WDR70: variants seen among roughly 807,000 people sequenced by gnomAD.
WDR70 encodes WD repeat domain 70.
In WDR70, 53 loss-of-function variants were observed where a neutral mutation model predicts 88.6. The ratio of observed to expected loss-of-function variants is 0.60; its 90% CI spans 0.48 to 0.75. The LOEUF (loss-of-function observed/expected upper bound fraction) is 0.75, where lower values mean the gene tolerates loss of function less well. WDR70 is among the 30% of genes least tolerant of loss of function. The pLI, the probability that WDR70 is intolerant of heterozygous loss-of-function variation, is 0.00. For missense variants in WDR70, 610 were observed against 823.2 expected, an observed-to-expected ratio of 0.74 and a Z score of 3.17; for synonymous variants, 280 against 270.0, an observed-to-expected ratio of 1.04 and a Z score of -0.36.
At position 37,379,570 on chromosome 5, in the gene WDR70, A is replaced by T. The variant is rs565635169; in HGVS notation, c.91+16A>T. On this transcript the variant is annotated intron_variant, in intron 2 of 17. Transcript: ENST00000265107. ...ACGGGGTTCGGTGAGTGACTGCCCC[A>T]GGCAGAGACCCTCTTCCTTGTGCAG... 2.5e-6 allele frequency: 4 copies of T among 1,613,622 alleles called. No homozygotes were observed. In the East Asian group the frequency reaches 8.9e-5, roughly 36 times the overall value.
At chr5:37,545,405 T>C (rs1394900721) in intron 9 of WDR70, among the ~76,000 whole-genome samples, 5 of 152,244 alleles carry the variant, frequency 3.3e-5, no homozygotes, top group African/African-American at 9.6e-5. Context: ...ATGTCTGATA[T>C]AGCTTGTAAC....
chr5:37,479,761 G>T, intron 7 of WDR70, 73 bp from the exon 8 acceptor site: 2 of 1,461,566 alleles, frequency 1.4e-6, no homozygotes, highest in Non-Finnish European at 9.2e-7. Context: ...TTTTTTTCTG[G>T]CAATACTTAA....
intron 9 of WDR70, among the ~76,000 whole-genome samples, chr5:37,555,928 A>C (rs1561899989): frequency 6.6e-6 from 1 of 152,162 alleles, no homozygotes; most frequent in Non-Finnish European, 1.5e-5. Flanking sequence ...TATGTTGGCC[A>C]GGCTGGTCTC....
chr5:37,383,019 A>T (rs1251358116), intron 3 of WDR70, among the ~76,000 whole-genome samples: 3 of 151,858 alleles, frequency 2.0e-5, no homozygotes, highest in Non-Finnish European at 4.4e-5. Context: ...ATCTCAAAAT[A>T]AAAAAAATAA....
rs1385873523 is a variant in WDR70, at chr5:37,599,614, G to T, written c.918-5450G>T. Among the ~76,000 whole-genome samples the T allele has an allele frequency of 3.3e-5, 5 of 152,248 alleles. No homozygotes were observed. In the East Asian group the frequency reaches 9.7e-4, roughly 29 times the overall value. On this transcript the variant is annotated intron_variant, in intron 9 of 17. Transcript: ENST00000265107. ...TATGTAAAAAGGTGAATTTGGGGCC[G>T]GGCGTGGTGGCTCACGCCTATAATC...
At chr5:37,704,049 A>G (rs1747247209) in intron 13 of WDR70, among the ~76,000 whole-genome samples, 1 of 152,210 alleles carries the variant, frequency 6.6e-6, no homozygotes, top group South Asian at 2.1e-4. Flanking sequence ...ATTACTATGA[A>G]GTCTTAATTT....
At chr5:37,649,887 G>A (rs1231694351) in intron 10 of WDR70, among the ~76,000 whole-genome samples, 57 of 143,182 alleles carry the variant, frequency 4.0e-4, no homozygotes, top group African/African-American at 7.5e-4. Context: ...ACAGGCGCCC[G>A]CCACCACGCC....
intron 15 of WDR70, chr5:37,723,377 T>C (rs537753927): frequency 5.5e-6 from 1 of 181,872 alleles, no homozygotes; most frequent in South Asian, 1.3e-4. Flanking sequence ...TCTCTGAAAT[T>C]CTATGACCAT....
At chr5:37,731,736 C>T (rs1748150748) in intron 17 of WDR70, among the ~76,000 whole-genome samples, 1 of 152,112 alleles carries the variant, frequency 6.6e-6, no homozygotes, top group Non-Finnish European at 1.5e-5. Context: ...TATGTTTACA[C>T]ACAAATCACT....
rs185393401 is a variant in WDR70, at chr5:37,593,484, C to T, written c.918-11580C>T. Among the ~76,000 whole-genome samples the T allele has an allele frequency of 5.3e-3, 801 of 152,246 alleles. 9 individuals carry two copies. Among genetic ancestry groups the T allele is most frequent in the African/African-American group, 0.018 (763 of 41,548 alleles). On this transcript the variant is annotated intron_variant, in intron 9 of 17. Coordinates refer to ENST00000265107, the MANE Select transcript of WDR70 (RefSeq NM_018034.4). ...CCCCTGCAAAGGACATGAACTCATCCTTTTTTATGGCTGCATAGTATTCCA... is the reference window on the plus strand; with the variant it reads ...CCCCTGCAAAGGACATGAACTCATCTTTTTTTATGGCTGCATAGTATTCCA...
chr5:37,444,458 C>T (rs1204725104), intron 7 of WDR70, among the ~76,000 whole-genome samples: 1 of 151,044 alleles, frequency 6.6e-6, no homozygotes. Flanking sequence ...CCCACCTCAG[C>T]CTCCCAAATA....
At chr5:37,752,136 AGTTC>A (rs1442777249) in intron 17 of WDR70, among the ~76,000 whole-genome samples, 1 of 152,178 alleles carries the variant, frequency 6.6e-6, no homozygotes, top group African/African-American at 2.4e-5. Flanking sequence ...TGGTGACTGT[AGTTC>A]GTTCTTCCAT....
In WDR70 at chr5:37,752,701, G is replaced by T; in HGVS notation, c.*128G>T. The T allele has an allele frequency of 1.4e-6, 1 of 697,228 alleles. No homozygotes were observed. The highest frequency in any genetic ancestry group is 2.0e-5 in the South Asian group (1 of 50,668). 43.2% of individuals were successfully genotyped at this position (697,228 alleles called of 1,614,324 possible). ...GTTTTGTCCTTTGCATTATTGAACT[G>T]GTCAAAAGTTTGGTGGCTAGGCTTC... On this transcript the variant is annotated 3_prime_UTR_variant, in exon 18 of 18. Transcript: ENST00000265107.
chr5:37,552,348 C>T lies in WDR70; in HGVS notation c.917+35758C>T, dbSNP rs550861408. ...CTACTCCTTGTCTAAGCTTAGGCAA[C>T]GTATTTGTCCTTTCTGAACCAGTGT... On this transcript the variant is annotated intron_variant, in intron 9 of 17. Transcript: ENST00000265107. 7.9e-5 allele frequency among the ~76,000 whole-genome samples: 12 copies of T among 152,248 alleles called. No homozygotes were observed. In the East Asian group the frequency reaches 1.2e-3, roughly 15 times the overall value.
At chr5:37,566,777 G>A (rs548889231) in intron 9 of WDR70, among the ~76,000 whole-genome samples, 1 of 152,162 alleles carries the variant, frequency 6.6e-6, no homozygotes, top group African/African-American at 2.4e-5. Flanking sequence ...TTTAATCCAA[G>A]GGTTGAGAGT....
chr5:37,580,480 C>A (rs1380986799), intron 9 of WDR70, among the ~76,000 whole-genome samples: 8 of 152,198 alleles, frequency 5.3e-5, no homozygotes, highest in Non-Finnish European at 1.0e-4. Flanking sequence ...TGCAATTAAA[C>A]CCATTACTGT....
rs551678732 is a variant in WDR70 at position 37,570,319 on chromosome 5, G to C, written c.918-34745G>C. Among the ~76,000 whole-genome samples, 198 of 152,222 alleles carry C rather than the reference G, an allele frequency of 1.3e-3. 7 individuals carry two copies. In the South Asian group the frequency reaches 0.041, roughly 31 times the overall value. On this transcript the variant is annotated intron_variant, in intron 9 of 17. Coordinates refer to ENST00000265107, the MANE Select transcript of WDR70 (RefSeq NM_018034.4). Reference sequence around the variant, plus strand: ...GAGGTGGAGGGGTATCACAGCAGGAGGGGGCTTTAGGAGGAAGACAATGTA... The same window carrying C: ...GAGGTGGAGGGGTATCACAGCAGGACGGGGCTTTAGGAGGAAGACAATGTA...
At chr5:37,471,968 T>G in intron 7 of WDR70, among the ~76,000 whole-genome samples, 1 of 151,972 alleles carries the variant, frequency 6.6e-6, no homozygotes, top group Admixed American at 6.5e-5. Context: ...TTTCTTTTCT[T>G]GCTCCTAATG....
At chr5:37,416,605 A>C (rs1481512348) in intron 5 of WDR70, among the ~76,000 whole-genome samples, 1 of 143,240 alleles carries the variant, frequency 7.0e-6, no homozygotes, top group Admixed American at 7.0e-5. Flanking sequence ...TTTTTGAGAT[A>C]GTTTCCCTGT....
Sources: gnomAD v4.1 joint callset for allele counts (sites outside exome capture counted in the v4.1 genomes callset) on GRCh38, gnomAD v4.1.1 for gene constraint, MANE v1.5 for transcripts, NCBI Gene and HGNC (gene_info 2026-07-23, HGNC 2026-07-21) for gene names.